Variants in TNFAIP8 observed in about 807,000 individuals in gnomAD.
TNFAIP8 encodes the protein TNF alpha induced protein 8.
A neutral mutation model predicts 13.3 loss-of-function variants in TNFAIP8; 7 were observed. The observed-to-expected ratio is 0.52, with a 90% CI of 0.30 to 0.99. The LOEUF is 0.99. TNFAIP8 is among the 50% of genes least tolerant of loss of function. The pLI is 0.07. For missense variants in TNFAIP8, 258 were observed against 236.9 expected (o/e 1.09, Z -0.58); for synonymous variants, 94 against 87.6 (o/e 1.07, Z -0.41).
At chr5:119,391,352 T>C in intron 1 of TNFAIP8, 1 of 702,006 alleles carries the variant, frequency 1.4e-6, no homozygotes, top group Non-Finnish European at 2.6e-6. Flanking sequence ...AATGACTGCT[T>C]TCTGATACCC....
chr5:119,303,545 A>G (rs1048176971), intron 1 of TNFAIP8, among the ~76,000 whole-genome samples: 5 of 152,120 alleles, frequency 3.3e-5, no homozygotes, highest in South Asian at 2.1e-4. Flanking sequence ...TGCTTCCCTT[A>G]TCATTTGGGT....
chr5:119,355,151 G>A (rs1562015018), upstream of TNFAIP8: 4 of 619,774 alleles, frequency 6.5e-6, no homozygotes, highest in Non-Finnish European at 1.2e-5. Context: ...GATCTGTTGT[G>A]AAGGCTGTCC....
chr5:119,298,111 C>T (rs989309401), intron 1 of TNFAIP8, among the ~76,000 whole-genome samples: 21 of 151,884 alleles, frequency 1.4e-4, no homozygotes, highest in South Asian at 2.1e-4. Context: ...TTTACATTTA[C>T]GATTAATATT....
chr5:119,368,595 T>C (rs938065465), intron 1 of TNFAIP8, among the ~76,000 whole-genome samples: 3 of 152,186 alleles, frequency 2.0e-5, no homozygotes, highest in Admixed American at 6.5e-5. Flanking sequence ...CTTAACTCCA[T>C]GCAAGTGTCA....
intron 1 of TNFAIP8, among the ~76,000 whole-genome samples, chr5:119,347,569 A>C (rs1024696989): frequency 2.0e-5 from 3 of 152,204 alleles, no homozygotes; most frequent in African/African-American, 7.2e-5. Context: ...TGATGCCTAC[A>C]ACTTTGTGAA....
At chr5:119,325,614 A>AT (rs995410829) in intron 1 of TNFAIP8, among the ~76,000 whole-genome samples, 14 of 151,988 alleles carry the variant, frequency 9.2e-5, no homozygotes, top group African/African-American at 2.4e-4. Context: ...TACCCGGCTA[A>AT]TTTTTTTTGT....
exon 1 of TNFAIP8, chr5:119,268,828 C>A (rs1005288338): frequency 2.8e-6 from 2 of 701,908 alleles, no homozygotes; most frequent in Non-Finnish European, 5.2e-6. Context: ...CGTGAGCCAC[C>A]GAGAGAGCAG....
At chr5:119,301,222 A>T (rs547180500) in intron 1 of TNFAIP8, among the ~76,000 whole-genome samples, 1 of 152,264 alleles carries the variant, frequency 6.6e-6, no homozygotes, top group South Asian at 2.1e-4. Context: ...AGAGCTCTTC[A>T]TGTCTTCCTT....
chr5:119,270,380 T>A (rs1748249251), intron 1 of TNFAIP8, among the ~76,000 whole-genome samples: 1 of 152,244 alleles, frequency 6.6e-6, no homozygotes, highest in South Asian at 2.1e-4. Flanking sequence ...ACACGTTTAT[T>A]GCCACCGTCT....
rs150406644 is a variant in TNFAIP8 at position 119,344,840 on chromosome 5, A to T, written c.2-47976A>T. On this transcript the variant is annotated intron_variant, in intron 1 of 1. Coordinates refer to the TNFAIP8 transcript ENST00000274456. ...CAGTGCCTAAGTGAGAAAAATTTAT[A>T]AAGAAATATAATATTAAGTACGGTT... Among the ~76,000 whole-genome samples the T allele has an allele frequency of 4.5e-3, 683 of 152,300 alleles. 7 individuals carry two copies. The highest frequency in any genetic ancestry group is 0.016 in the African/African-American group (664 of 41,554).
At chr5:119,300,119 T>C (rs1182129575) in intron 1 of TNFAIP8, among the ~76,000 whole-genome samples, 1 of 152,216 alleles carries the variant, frequency 6.6e-6, no homozygotes, top group African/African-American at 2.4e-5. Flanking sequence ...GCACCCACTG[T>C]CCTGTGCCCA....
At position 119,393,373 on chromosome 5, in the gene TNFAIP8, A is replaced by G. The variant is rs200345096; in HGVS notation, c.589A>G (p.Asn197Asp). The G allele has an allele frequency of 9.4e-5, 152 of 1,612,254 alleles. No homozygotes were observed. Among genetic ancestry groups the G allele is most frequent in the Admixed American group, 3.3e-5 (2 of 59,962 alleles). ...DGINKMLDEE[N>D]I ...TATCAACAAAATGTTGGATGAAGAG[A>G]ACATATGAGCACATGAGTTAAGATT... The change falls in exon 2 of 2, where the codon AAC becomes GAC. Residue 197 changes from asparagine (N) to aspartate (D), a missense_variant. Transcript: ENST00000504771.
At chr5:119,318,164 C>A (rs556204140) in intron 1 of TNFAIP8, among the ~76,000 whole-genome samples, 1 of 151,908 alleles carries the variant, frequency 6.6e-6, no homozygotes. Flanking sequence ...TCTTGAAATG[C>A]TCTGAATTCA....
At chr5:119,372,848 C>G (rs1436501575) in intron 1 of TNFAIP8, among the ~76,000 whole-genome samples, 1 of 152,102 alleles carries the variant, frequency 6.6e-6, no homozygotes, top group African/African-American at 2.4e-5. Flanking sequence ...GTAATCCCAG[C>G]TACTCGGGAG....
chr5:119,397,697 C>A lies in TNFAIP8; in HGVS notation c.*4316C>A. ...AAGCATTAACCAGAAAATGAGTCAG[C>A]TTTTTGTTTCCAAAATGATGCAACA... On this transcript the variant is annotated 3_prime_UTR_variant, in exon 2 of 2. Coordinates refer to ENST00000504771, the MANE Select transcript of TNFAIP8 (RefSeq NM_014350.4). 6.6e-6 allele frequency: 1 copy of A among 152,198 alleles called. No homozygotes were observed. Among genetic ancestry groups the A allele is most frequent in the Non-Finnish European group, 1.5e-5 (1 of 68,022 alleles). 9.4% of individuals were successfully genotyped at this position (152,198 alleles called of 1,614,324 possible). A position where few individuals can be genotyped will look rare whatever the true frequency, so the allele number is the denominator to read the frequency against.
At chr5:119,312,550 C>T (rs915821775) in intron 1 of TNFAIP8, among the ~76,000 whole-genome samples, 10 of 151,480 alleles carry the variant, frequency 6.6e-5, no homozygotes, top group South Asian at 4.2e-4. Flanking sequence ...CAAATGACAC[C>T]GCCAGAGGGG....
intron 1 of TNFAIP8, among the ~76,000 whole-genome samples, chr5:119,381,088 C>G (rs1276291598): frequency 6.6e-6 from 1 of 152,216 alleles, no homozygotes; most frequent in Non-Finnish European, 1.5e-5. Context: ...CCTACAAATG[C>G]TGGCTCTCAG....
intron 1 of TNFAIP8, among the ~76,000 whole-genome samples, chr5:119,341,059 A>G (rs57619354): frequency 0.18 from 26,291 of 149,964 alleles, 4,299 homozygotes; most frequent in African/African-American, 0.44. Flanking sequence ...CAGGGCTGGT[A>G]AGCTTCACTG....
At chr5:119,356,238 C>G in intron 1 of TNFAIP8, 117 bp downstream of exon 1, 1 of 938,834 alleles carries the variant, frequency 1.1e-6, no homozygotes, top group Non-Finnish European at 1.5e-6. Flanking sequence ...GTCCGCTTGC[C>G]CTGCGCCTTC....
Sources: gnomAD v4.1 joint callset for allele counts (sites outside exome capture counted in the v4.1 genomes callset) on GRCh38, gnomAD v4.1.1 for gene constraint, MANE v1.5 for transcripts, NCBI Gene and HGNC (gene_info 2026-07-23, HGNC 2026-07-21) for gene names.